IL31RA: variants seen among roughly 807,000 people sequenced by gnomAD.
IL31RA encodes the protein interleukin 31 receptor A, also known as interleukin-31 receptor subunit alpha.
Under a neutral mutation model 83.7 loss-of-function variants are expected in IL31RA, and 66 were observed. That is an observed-to-expected ratio of 0.79 (90% CI 0.65 to 0.97). IL31RA has a LOEUF of 0.97. Among genes scored for constraint, IL31RA ranks in the 50% least tolerant of loss-of-function variants. IL31RA has a pLI of 0.00. For synonymous variants in IL31RA, 325 were observed against 329.0 expected (o/e 0.99, Z 0.13); for missense variants, 798 against 919.4 (o/e 0.87, Z 1.71).
At chr5:55,876,274 T>C (rs1746842350) in intron 4 of IL31RA, among the ~76,000 whole-genome samples, 1 of 151,908 alleles carries the variant, frequency 6.6e-6, no homozygotes, top group Non-Finnish European at 1.5e-5. Flanking sequence ...GGCATGGTGG[T>C]GCGCACCTGT....
intron 8 of IL31RA, among the ~76,000 whole-genome samples, chr5:55,904,090 T>C (rs958842639): frequency 2.2e-4 from 33 of 152,224 alleles, no homozygotes; most frequent in African/African-American, 7.5e-4. Context: ...GATTCCTCTT[T>C]TCTTATAAAG....
Position 55,872,357 on chromosome 5 carries a change from A to G in IL31RA, c.360A>G (p.Ile120Met). Residue 120 changes from isoleucine to methionine, a missense_variant, in exon 4 of 15, where the codon ATA (isoleucine) becomes ATG (methionine). Ile to Met is a conservative substitution (Grantham distance 10). Transcript: ENST00000652347. ...RASCSFFLPRITIPDNYTIEV... is the reference protein window; with the variant it reads ...RASCSFFLPRMTIPDNYTIEV... ...CGTGCTCTTTTTTCCTTCCAAGAAT[A>G]ACGATCCCAGATAATTATACCATTG... is the stretch of plus-strand genomic sequence containing the variant. 6.2e-7 allele frequency: 1 copy of G among 1,612,152 alleles called. No individual in the cohort carries two copies. Among genetic ancestry groups the G allele is most frequent in the Non-Finnish European group, 8.5e-7 (1 of 1,178,256 alleles).
intron 2 of IL31RA, among the ~76,000 whole-genome samples, chr5:55,863,556 G>A (rs1415124883): frequency 6.6e-6 from 1 of 152,228 alleles, no homozygotes; most frequent in South Asian, 2.1e-4. Flanking sequence ...AAAGGCCAAG[G>A]CAAATCCCAT....
chr5:55,842,045 G>C, the IL31RA span, among the ~76,000 whole-genome samples: 1 of 152,018 alleles, frequency 6.6e-6, no homozygotes, highest in African/African-American at 2.4e-5. Context: ...CTCCTAAAAT[G>C]CTGGGATTAC....
chr5:55,873,977 A>G (rs542939887), intron 4 of IL31RA, among the ~76,000 whole-genome samples: 7 of 152,212 alleles, frequency 4.6e-5, no homozygotes, highest in African/African-American at 1.7e-4. Context: ...GAGGTCAGAA[A>G]GATTTACTGC....
chr5:55,902,813 A>G (rs1748910783), intron 8 of IL31RA, among the ~76,000 whole-genome samples: 1 of 152,214 alleles, frequency 6.6e-6, no homozygotes, highest in South Asian at 2.1e-4. Flanking sequence ...TGCTAAGATA[A>G]CATAGGTTTT....
intron 2 of IL31RA, among the ~76,000 whole-genome samples, chr5:55,867,089 G>GTGTGTGTGTTTGTGTGTGTGCGCA (rs1561542666): frequency 2.3e-4 from 19 of 84,428 alleles, no homozygotes; most frequent in African/African-American, 6.6e-4. Flanking sequence ...GTGTGTTTGT[G>GTGTGTGTGTTTGTGTGTGTGCGCA]TGTGTGTGTT....
At chr5:55,908,188 TGGCCAG>T (rs1294280558) in intron 10 of IL31RA, 71 bp from the exon 11 acceptor site, 2 of 1,604,386 alleles carry the variant, frequency 1.2e-6, no homozygotes, top group East Asian at 4.5e-5. Context: ...GTCTGAGTAC[TGGCCAG>T]GGCCTTTGTG....
At chr5:55,875,131 A>C (rs1347641985) in intron 4 of IL31RA, among the ~76,000 whole-genome samples, 2 of 152,148 alleles carry the variant, frequency 1.3e-5, no homozygotes, top group Non-Finnish European at 1.5e-5. Flanking sequence ...TGGGATGATC[A>C]TATGGTTTTG....
chr5:55,897,398 A>T (rs946242503), intron 7 of IL31RA, among the ~76,000 whole-genome samples: 7 of 152,008 alleles, frequency 4.6e-5, no homozygotes, highest in Non-Finnish European at 1.0e-4. Flanking sequence ...GTGAAAGTGC[A>T]GGAGGCACCA....
At chr5:55,892,251 G>T (rs535264246) in intron 6 of IL31RA, among the ~76,000 whole-genome samples, 1 of 152,196 alleles carries the variant, frequency 6.6e-6, no homozygotes, top group African/African-American at 2.4e-5. Flanking sequence ...AGGGATGTGA[G>T]TTTTAGAATA....
chr5:55,887,070 A>G (rs1488510520), intron 5 of IL31RA, among the ~76,000 whole-genome samples: 1 of 152,222 alleles, frequency 6.6e-6, no homozygotes, highest in African/African-American at 2.4e-5. Flanking sequence ...AAATGTAGCC[A>G]TGTAAAACTA....
chr5:55,855,470 AATGT>A (rs1745301594), intron 1 of IL31RA, among the ~76,000 whole-genome samples: 1 of 152,150 alleles, frequency 6.6e-6, no homozygotes, highest in Admixed American at 6.6e-5. Flanking sequence ...TAGCTGAGTG[AATGT>A]ATGAATGAAT....
intron 6 of IL31RA, among the ~76,000 whole-genome samples, chr5:55,894,837 C>T (rs1007605971): frequency 6.6e-6 from 1 of 152,232 alleles, no homozygotes; most frequent in Admixed American, 6.5e-5. Flanking sequence ...CTGCCTCAGC[C>T]TCCCGTGTAG....
intron 10 of IL31RA, among the ~76,000 whole-genome samples, chr5:55,907,933 C>T (rs1405299571): frequency 6.6e-6 from 1 of 152,162 alleles, no homozygotes; most frequent in Non-Finnish European, 1.5e-5. Flanking sequence ...CATCTTCTGC[C>T]ACTCAAAGGT....
chr5:55,860,929 C>T (rs1050229889), intron 2 of IL31RA, among the ~76,000 whole-genome samples: 4 of 152,132 alleles, frequency 2.6e-5, no homozygotes, highest in Non-Finnish European at 4.4e-5. Flanking sequence ...GGTGGCCTTC[C>T]TTTTGCTGCC....
intron 5 of IL31RA, among the ~76,000 whole-genome samples, chr5:55,884,715 G>A (rs559805295): frequency 6.6e-6 from 1 of 152,306 alleles, no homozygotes; most frequent in South Asian, 2.1e-4. Flanking sequence ...GCCATCATGA[G>A]CAGACACATT....
intron 8 of IL31RA, among the ~76,000 whole-genome samples, chr5:55,905,093 C>T (rs1462187473): frequency 1.2e-4 from 18 of 150,596 alleles, no homozygotes; most frequent in African/African-American, 1.5e-4. Flanking sequence ...CCCAGCTACT[C>T]GGGAGGCTGA....
rs1749963502 is a variant in IL31RA at position 55,919,111 on chromosome 5, A to C, written c.*1991A>C. 6.6e-6 allele frequency among the ~76,000 whole-genome samples: 1 copy of C among 152,094 alleles called. No homozygotes were observed. The highest frequency in any genetic ancestry group is 1.5e-5 in the Non-Finnish European group (1 of 68,014). On this transcript the variant is annotated 3_prime_UTR_variant, in exon 15 of 15. Transcript: ENST00000652347. The stretch of plus-strand genomic sequence containing the variant: ...TGGGGCCTTTGGCAACCCCACCTTC[A>C]GATTCATGAACATATGGGGAGATTC...
Sources: allele counts gnomAD v4.1 joint callset (sites outside exome capture counted in the v4.1 genomes callset), GRCh38; gene constraint gnomAD v4.1.1; transcripts MANE v1.5; gene names NCBI Gene and HGNC (gene_info 2026-07-23, HGNC 2026-07-21).